The following KLHDC1 variants were observed in gnomAD, a reference collection of about 807,000 sequenced individuals.
The protein encoded by KLHDC1 is kelch domain-containing protein 1.
In KLHDC1, 53 loss-of-function variants were observed where a neutral mutation model predicts 68.3. That is an observed-to-expected ratio of 0.78 (90% CI 0.62 to 0.98). The LOEUF is 0.98. KLHDC1 is among the 50% of genes least tolerant of loss of function. The pLI is 0.00. For missense variants in KLHDC1, 470 were observed against 492.3 expected, an observed-to-expected ratio of 0.95 and a Z score of 0.43; for synonymous variants, 148 against 159.0, an observed-to-expected ratio of 0.93 and a Z score of 0.52.
intron 3 of KLHDC1, among the ~76,000 whole-genome samples, 182 bp downstream of exon 3, chr14:49,710,008 T>C (rs977283005): frequency 7.2e-5 from 11 of 152,318 alleles, no homozygotes; most frequent in Admixed American, 2.0e-4. Flanking sequence ...TGTGTCTTTC[T>C]GCTTCAGAAT....
intron 8 of KLHDC1, among the ~76,000 whole-genome samples, chr14:49,729,833 G>T (rs904210002): frequency 1.3e-5 from 2 of 152,128 alleles, no homozygotes; most frequent in Non-Finnish European, 2.9e-5. Context: ...GGTTGAATGG[G>T]GTCATCTCAG....
At chr14:49,747,286 C>T (rs1287230553) in intron 12 of KLHDC1, among the ~76,000 whole-genome samples, 1 of 152,208 alleles carries the variant, frequency 6.6e-6, no homozygotes, top group Non-Finnish European at 1.5e-5. Flanking sequence ...ACCTGTACTT[C>T]TTTCTCTTGC....
At chr14:49,730,114 C>T (rs1339609226) in intron 8 of KLHDC1, among the ~76,000 whole-genome samples, 2 of 151,338 alleles carry the variant, frequency 1.3e-5, no homozygotes, top group African/African-American at 2.4e-5. Context: ...AAAGACTGAT[C>T]GATAAGACTA....
At chr14:49,699,050 G>A (rs1439119222) in intron 1 of KLHDC1, among the ~76,000 whole-genome samples, 2 of 150,898 alleles carry the variant, frequency 1.3e-5, no homozygotes, top group Non-Finnish European at 2.9e-5. Context: ...TGTAATCCCA[G>A]CTAATCTGGA....
In KLHDC1 at chr14:49,711,789, A is replaced by G. The variant is rs1392495041; in HGVS notation, c.404+1408A>G. On this transcript the variant is annotated intron_variant, in intron 4 of 12. Coordinates refer to ENST00000359332, the MANE Select transcript of KLHDC1 (RefSeq NM_172193.3). ...TGTTTTAAAATATCATTCACTATTT[A>G]ATTTCCAGTTTTCAGATTTGCTTGT... is the stretch of plus-strand genomic sequence containing the variant. 2.0e-5 allele frequency among the ~76,000 whole-genome samples: 3 copies of G among 151,860 alleles called. No individual in the cohort carries two copies. The East Asian group carries it at 5.8e-4, about 29-fold the overall frequency.
At chr14:49,704,387 GTT>G (rs35067251) in intron 1 of KLHDC1, among the ~76,000 whole-genome samples, 17 of 68,714 alleles carry the variant, frequency 2.5e-4, no homozygotes, top group African/African-American at 8.4e-4. Flanking sequence ...TTCCTTTTCT[GTT>G]TTTTTTTTTT....
At chr14:49,711,326 C>G (rs184240697) in intron 4 of KLHDC1, among the ~76,000 whole-genome samples, 1 of 152,040 alleles carries the variant, frequency 6.6e-6, no homozygotes, top group Non-Finnish European at 1.5e-5. Context: ...CTCAGCCTCC[C>G]GAGTAGCTGG....
rs1287655753 is a variant in KLHDC1 at position 49,740,124 on chromosome 14, A to G, written c.923A>G (p.Lys308Arg). The change falls in exon 11 of 13, where the codon AAA becomes AGA. Residue 308 changes from lysine to arginine, a missense_variant. Lys to Arg is a conservative substitution (Grantham distance 26). Transcript: ENST00000359332. ...TTATGGCACACAGCCTGTTTGGGAA[A>G]AGAAAATGAAATAATGGTATTTGGT... ...PRLWHTACLG[K>R]ENEIMVFGGS... The G allele has an allele frequency of 1.2e-6, 2 of 1,612,056 alleles. No homozygotes were observed. Among genetic ancestry groups the G allele is most frequent in the Non-Finnish European group, 1.7e-6 (2 of 1,178,420 alleles).
rs76910819 is a variant in KLHDC1, at chr14:49,708,630, T to G, written c.97-529T>G. The G allele has an allele frequency of 2.0e-3, 312 of 152,558 alleles. 11 individuals are homozygous for G. In the East Asian group the frequency reaches 0.056, roughly 27 times the overall value. The allele number at this position is 152,558 out of a possible 1,614,324, so 9.5% of individuals were successfully genotyped here. ...AGTTAAATATATTGTGATCCTTATA[T>G]TCTAGATTTAATGAACAACTAATAC... is the stretch of plus-strand genomic sequence containing the variant. On this transcript the variant is annotated intron_variant, in intron 1 of 12. Coordinates refer to ENST00000359332, the MANE Select transcript of KLHDC1 (RefSeq NM_172193.3).
intron 9 of KLHDC1, among the ~76,000 whole-genome samples, chr14:49,734,213 T>C (rs1057403771): frequency 2.0e-5 from 3 of 152,184 alleles, no homozygotes; most frequent in African/African-American, 7.2e-5. Context: ...CCCAAGACTT[T>C]TTTTTTAGTT....
intron 11 of KLHDC1, among the ~76,000 whole-genome samples, chr14:49,742,487 A>G (rs949856549): frequency 6.6e-6 from 1 of 151,992 alleles, no homozygotes; most frequent in Non-Finnish European, 1.5e-5. Context: ...CCTGGCCAAC[A>G]TGGCAAAACC....
chr14:49,708,109 T>G (rs927497035), intron 1 of KLHDC1, among the ~76,000 whole-genome samples: 1 of 148,156 alleles, frequency 6.7e-6, no homozygotes, highest in Non-Finnish European at 1.5e-5. Flanking sequence ...CTCACTCTTT[T>G]GCCCAGGCTG....
At chr14:49,718,627 A>G (rs1331424146) in intron 4 of KLHDC1, among the ~76,000 whole-genome samples, 1 of 151,612 alleles carries the variant, frequency 6.6e-6, no homozygotes, top group Non-Finnish European at 1.5e-5. Flanking sequence ...CAGTAGTAAT[A>G]TTTCTTCCTC....
At chr14:49,731,548 C>CA (rs1888809849) in intron 8 of KLHDC1, among the ~76,000 whole-genome samples, 1 of 152,050 alleles carries the variant, frequency 6.6e-6, no homozygotes, top group South Asian at 2.1e-4. Flanking sequence ...CGGCTCACTA[C>CA]AACCTCCACC....
intron 8 of KLHDC1, among the ~76,000 whole-genome samples, chr14:49,730,865 G>A (rs970420881): frequency 6.6e-6 from 1 of 151,920 alleles, no homozygotes; most frequent in South Asian, 2.1e-4. Context: ...CCAGCTACTC[G>A]GGAGCCTGAG....
At position 49,710,413 on chromosome 14, in the gene KLHDC1, T is replaced by C. The variant is rs144703970; in HGVS notation, c.404+32T>C. Reference sequence around the variant, plus strand: ...CAGCAGTTGCACTTAATGCATTATGTCTACCTAAGCAAAGATAATAGCTTT... The same window carrying C: ...CAGCAGTTGCACTTAATGCATTATGCCTACCTAAGCAAAGATAATAGCTTT... On this transcript the variant is annotated intron_variant, in intron 4 of 12. Transcript: ENST00000359332. 132 of 1,096,572 alleles carry C rather than the reference T, an allele frequency of 1.2e-4. 1 individual carries two copies. The African/African-American group carries it at 1.8e-3, about 15-fold the overall frequency. The allele number at this position is 1,096,572 out of a possible 1,614,324, so 67.9% of individuals were successfully genotyped here.
At chr14:49,719,273 T>C (rs1888466139) in intron 4 of KLHDC1, among the ~76,000 whole-genome samples, 1 of 152,158 alleles carries the variant, frequency 6.6e-6, no homozygotes, top group African/African-American at 2.4e-5. Flanking sequence ...GAGCCCTGCC[T>C]TCGCTGCATC....
intron 4 of KLHDC1, among the ~76,000 whole-genome samples, chr14:49,719,238 C>T (rs1888465066): frequency 6.6e-6 from 1 of 151,888 alleles, no homozygotes; most frequent in Admixed American, 6.6e-5. Flanking sequence ...TTAATGTAGG[C>T]ATTTACAGCT....
chr14:49,697,769 A>C (rs957416345), intron 1 of KLHDC1, among the ~76,000 whole-genome samples: 15 of 152,318 alleles, frequency 9.8e-5, no homozygotes, highest in African/African-American at 3.1e-4. Context: ...TGCTTACTAC[A>C]TCTGGCATGT....
Sources: gnomAD v4.1 joint callset for allele counts (sites outside exome capture counted in the v4.1 genomes callset) on GRCh38, gnomAD v4.1.1 for gene constraint, MANE v1.5 for transcripts, NCBI Gene and HGNC (gene_info 2026-07-23, HGNC 2026-07-21) for gene names.